ABCA12: variants seen among roughly 807,000 people sequenced by gnomAD.
The protein encoded by ABCA12 is glucosylceramide transporter ABCA12.
In ABCA12, 156 loss-of-function variants were observed where a neutral mutation model predicts 293.5. The observed-to-expected ratio is 0.53, with a 90% CI of 0.47 to 0.61. ABCA12 has a LOEUF of 0.61. ABCA12 is among the 20% of genes least tolerant of loss of function. The pLI is 0.00. For synonymous variants in ABCA12, 1,063 were observed against 1,108.0 expected, an observed-to-expected ratio of 0.96 and a Z score of 0.81; for missense variants, 2,797 against 3,090.2, an observed-to-expected ratio of 0.91 and a Z score of 2.25.
At chr2:215,002,646 T>A (rs926859118) in intron 20 of ABCA12, among the ~76,000 whole-genome samples, 4 of 152,194 alleles carry the variant, frequency 2.6e-5, no homozygotes, top group African/African-American at 9.7e-5. Context: ...TAAAGTGAAA[T>A]GTTTTACTTG....
At chr2:214,981,607 G>A (rs935089011) in intron 30 of ABCA12, among the ~76,000 whole-genome samples, 10 of 151,984 alleles carry the variant, frequency 6.6e-5, no homozygotes, top group South Asian at 4.1e-4. Flanking sequence ...AGTTGTCTGG[G>A]AGAAAAATCT....
At position 215,011,467 on chromosome 2, in the gene ABCA12, A is replaced by C; in HGVS notation, c.2304T>G (p.Ala768=). The C allele has an allele frequency of 1.9e-6, 3 of 1,613,866 alleles. No individual in the cohort carries two copies. Among genetic ancestry groups the C allele is most frequent in the Non-Finnish European group, 2.5e-6 (3 of 1,179,806 alleles). ...AATTTATGGGAATTCCATATTTTGA[A>C]GCAATTTGCTCTTTAGTTAATTTAT... ...LTYKLTKEQI[A]SKYGIPINST... Residue 768 remains alanine, a synonymous_variant, in exon 17 of 53, where the codon GCT becomes GCG. Transcript: ENST00000272895.
At chr2:214,947,612 CACT>C in intron 47 of ABCA12, 56 bp from the exon 48 acceptor site, 1 of 1,588,368 alleles carries the variant, frequency 6.3e-7, no homozygotes, top group Non-Finnish European at 8.6e-7. Context: ...ACCCTTAAAG[CACT>C]AAATGGAAAA....
In ABCA12 at chr2:214,945,055, T is replaced by A; in HGVS notation, c.7289A>T (p.Lys2430Met). ...GTTCTGTACTTCTTCTGAAATGATC[T>A]TCCAGAGGTGCCGTTTCGACTTCGG... The part of the protein sequence containing the change: ...MDPKSKRHLW[K>M]IISEEVQNKC... Residue 2430 changes from lysine to methionine, a missense_variant, in exon 49 of 53, where the codon AAG becomes ATG. By Grantham distance (95) the Lys-to-Met change is moderately conservative. Transcript: ENST00000272895. 1 of 1,613,844 alleles carries A rather than the reference T, an allele frequency of 6.2e-7. No individual in the cohort carries two copies.
chr2:214,959,487 G>A (rs1457768329), intron 39 of ABCA12, among the ~76,000 whole-genome samples: 1 of 152,048 alleles, frequency 6.6e-6, no homozygotes, highest in East Asian at 1.9e-4. Flanking sequence ...TTATTTATAT[G>A]AGGATCCCTT....
chr2:215,036,013 T>C (rs1237933589), intron 8 of ABCA12, among the ~76,000 whole-genome samples: 2 of 152,198 alleles, frequency 1.3e-5, no homozygotes, highest in African/African-American at 4.8e-5. Context: ...TGTTAGCACA[T>C]TGTCTGGTTT....
chr2:215,025,284 T>C (rs1700713420), intron 11 of ABCA12: 1 of 178,782 alleles, frequency 5.6e-6, no homozygotes, highest in Non-Finnish European at 1.2e-5. Context: ...TACCATTATA[T>C]AACATCAAAC....
At chr2:215,000,669 T>C (rs1700124381) in intron 22 of ABCA12, 36 bp downstream of exon 22, 1 of 1,611,596 alleles carries the variant, frequency 6.2e-7, no homozygotes, top group Non-Finnish European at 8.5e-7. Context: ...AGAAAAGTTG[T>C]TGATCATTAA....
intron 31 of ABCA12, among the ~76,000 whole-genome samples, chr2:214,979,892 C>A (rs1320089372): frequency 2.6e-5 from 4 of 152,150 alleles, no homozygotes; most frequent in Admixed American, 2.6e-4. Flanking sequence ...ACATCTTGCA[C>A]AGTATTTTTA....
At chr2:215,070,638 G>GC (rs1363884059) in intron 2 of ABCA12, among the ~76,000 whole-genome samples, 10 of 145,228 alleles carry the variant, frequency 6.9e-5, no homozygotes. Context: ...TGCGGTGTTT[G>GC]TTTTTTTGTC....
At chr2:215,071,268 T>C (rs1285477751) in intron 2 of ABCA12, among the ~76,000 whole-genome samples, 1 of 148,222 alleles carries the variant, frequency 6.7e-6, no homozygotes, top group African/African-American at 2.5e-5. Context: ...AAAATAAATC[T>C]TCATGGTTTT....
At chr2:214,993,001 C>G (rs1037961029) in intron 23 of ABCA12, among the ~76,000 whole-genome samples, 3 of 152,164 alleles carry the variant, frequency 2.0e-5, no homozygotes, top group African/African-American at 7.2e-5. Flanking sequence ...AAAATTATAG[C>G]AAATGCATCG....
At chr2:215,092,177 C>T (rs1193741943) in intron 2 of ABCA12, among the ~76,000 whole-genome samples, 10 of 152,162 alleles carry the variant, frequency 6.6e-5, no homozygotes, top group African/African-American at 2.4e-4. Flanking sequence ...AGGCTACCCA[C>T]TCCACATTAC....
chr2:214,951,191 T>G, intron 44 of ABCA12, 108 bp from the exon 45 acceptor site: 1 of 965,528 alleles, frequency 1.0e-6, no homozygotes, highest in Non-Finnish European at 1.6e-6. Flanking sequence ...TAGTCATCAT[T>G]AGACTTCTTT....
At chr2:215,000,442 A>G (rs1432732226) in intron 22 of ABCA12, among the ~76,000 whole-genome samples, 3 of 152,128 alleles carry the variant, frequency 2.0e-5, no homozygotes, top group African/African-American at 7.2e-5. Flanking sequence ...CTGAAGTCCA[A>G]TTATTCCAAT....
intron 20 of ABCA12, 136 bp downstream of exon 20, chr2:215,004,073 G>A (rs1700201555): frequency 1.4e-6 from 1 of 691,350 alleles, no homozygotes; most frequent in African/African-American, 1.8e-5. Flanking sequence ...GATATATCCA[G>A]GGTCTCATTT....
chr2:214,959,884 T>TAA (rs1013160458), intron 39 of ABCA12, among the ~76,000 whole-genome samples: 1 of 151,986 alleles, frequency 6.6e-6, no homozygotes, highest in Non-Finnish European at 1.5e-5. Flanking sequence ...AATGTGAGGG[T>TAA]AAAGTGTGTA....
At chr2:215,085,589 C>G (rs1271484265) in intron 2 of ABCA12, 1 of 152,166 alleles carries the variant, frequency 6.6e-6, no homozygotes, top group Non-Finnish European at 1.5e-5. Flanking sequence ...TTCAACAAGA[C>G]CTGGCCTAAA....
Position 214,978,311 on chromosome 2 carries a change from C to T in ABCA12, c.5128+5G>A. 6.2e-7 allele frequency: 1 copy of T among 1,613,954 alleles called. No homozygotes were observed. Among genetic ancestry groups the T allele is most frequent in the Non-Finnish European group, 8.5e-7 (1 of 1,179,904 alleles). ...TTAAACAAAATATCCACATTAGATT[C>T]ATACCATCTCTGTCTGTGAAATTGC... On this transcript the variant is annotated splice_donor_5th_base_variant and intron_variant, in intron 33 of 52. Coordinates refer to ENST00000272895, the MANE Select transcript of ABCA12 (RefSeq NM_173076.3).
Sources: gnomAD v4.1 joint callset for allele counts (sites outside exome capture counted in the v4.1 genomes callset) on GRCh38, gnomAD v4.1.1 for gene constraint, MANE v1.5 for transcripts, NCBI Gene and HGNC (gene_info 2026-07-23, HGNC 2026-07-21) for gene names.